TAF3: variants seen among roughly 807,000 people sequenced by gnomAD.
The protein encoded by TAF3 is TATA-box binding protein associated factor 3.
Under a neutral mutation model 80.6 loss-of-function variants are expected in TAF3, and 7 were observed. The observed-to-expected ratio is 0.09, with a 90% CI of 0.05 to 0.16. The LOEUF (loss-of-function observed/expected upper bound fraction) is 0.16, where lower values mean the gene tolerates loss of function less well. Ranked by LOEUF, TAF3 falls within the 10% of genes least tolerant of loss-of-function variation. The pLI, the probability that TAF3 is intolerant of heterozygous loss-of-function variation, is 1.00. For synonymous variants in TAF3, 444 were observed against 446.1 expected, an observed-to-expected ratio of 1.00 and a Z score of 0.06; for missense variants, 921 against 1,140.2, an observed-to-expected ratio of 0.81 and a Z score of 2.77.
intron 2 of TAF3, among the ~76,000 whole-genome samples, chr10:7,828,513 T>C (rs1221499901): frequency 2.0e-5 from 3 of 152,168 alleles, no homozygotes; most frequent in African/African-American, 7.2e-5. Context: ...TGGTACCCAG[T>C]GTGTTTTATC....
At chr10:8,013,700 A>G (rs757078511) in intron 5 of TAF3, 31 bp from the exon 6 acceptor site, 1 of 1,595,972 alleles carries the variant, frequency 6.3e-7, no homozygotes, top group East Asian at 2.2e-5. Context: ...CATTCCCTCC[A>G]TTTTTGCCGC....
chr10:7,840,780 T>C (rs1222691469), intron 2 of TAF3, among the ~76,000 whole-genome samples: 1 of 152,194 alleles, frequency 6.6e-6, no homozygotes, highest in East Asian at 1.9e-4. Flanking sequence ...AGTGTACTCA[T>C]TGCCTTTTAT....
intron 3 of TAF3, among the ~76,000 whole-genome samples, chr10:7,976,760 A>C (rs1460511694): frequency 1.3e-5 from 2 of 152,144 alleles, no homozygotes; most frequent in African/African-American, 4.8e-5. Context: ...AAAATTGAAC[A>C]GTTGAATGGT....
chr10:7,856,251 G>A (rs1016830769), intron 2 of TAF3, among the ~76,000 whole-genome samples: 5 of 152,160 alleles, frequency 3.3e-5, no homozygotes, highest in African/African-American at 1.2e-4. Context: ...CGAGGCGGGC[G>A]GATCACTTGA....
chr10:7,935,504 A>G (rs923462476), intron 2 of TAF3, among the ~76,000 whole-genome samples: 2 of 151,908 alleles, frequency 1.3e-5, no homozygotes, highest in African/African-American at 4.8e-5. Context: ...GAATGGCGTG[A>G]ACCCGGGAGG....
At chr10:7,848,922 G>A (rs1187358505) in intron 2 of TAF3, among the ~76,000 whole-genome samples, 2 of 152,098 alleles carry the variant, frequency 1.3e-5, no homozygotes, top group Non-Finnish European at 2.9e-5. Context: ...GTAAACATAT[G>A]TTTATAGTTT....
intron 2 of TAF3, among the ~76,000 whole-genome samples, chr10:7,956,821 CTG>C (rs1203446994): frequency 6.6e-6 from 1 of 152,090 alleles, no homozygotes; most frequent in Non-Finnish European, 1.5e-5. Flanking sequence ...ATTTTAGTGA[CTG>C]TGTGAAAAAC....
At chr10:7,948,832 A>C (rs560361866) in intron 2 of TAF3, among the ~76,000 whole-genome samples, 1 of 152,276 alleles carries the variant, frequency 6.6e-6, no homozygotes, top group East Asian at 1.9e-4. Flanking sequence ...TTTCTTTCGA[A>C]TCTTGCTTCC....
Position 7,950,470 on chromosome 10 carries a change from G to A in TAF3, c.410-13450G>A, listed in dbSNP as rs145692622. ...TGTCCTAATTTGGATTTAGAGAAAC[G>A]TCTTACCAGATACAGTCATAGTGTT... On this transcript the variant is annotated intron_variant, in intron 2 of 6. Transcript: ENST00000344293. Among the ~76,000 whole-genome samples, 569 of 152,296 alleles carry A rather than the reference G, an allele frequency of 3.7e-3. 4 individuals carry two copies. The highest frequency in any genetic ancestry group is 0.02 in the South Asian group (97 of 4,826).
chr10:7,857,203 G>A (rs971635959), intron 2 of TAF3, among the ~76,000 whole-genome samples: 1 of 152,332 alleles, frequency 6.6e-6, no homozygotes, highest in South Asian at 2.1e-4. Context: ...TGCTGAATTG[G>A]ATACTAGTTT....
chr10:8,010,281 C>T (rs1832041770), intron 5 of TAF3, among the ~76,000 whole-genome samples: 1 of 152,188 alleles, frequency 6.6e-6, no homozygotes, highest in South Asian at 2.1e-4. Context: ...ACAATGTTCA[C>T]ATAGTCAGCC....
chr10:7,964,627 A>G lies in TAF3; in HGVS notation c.1117A>G (p.Ser373Gly). ...ACCCCCTGATGCTGGGAAACTGAAC[A>G]GTGAGAATCAGCCGAAAAAGGCTGT... ...QTPPDAGKLN[S>G]ENQPKKAVVA... The change falls in exon 3 of 7, where the codon AGT becomes GGT. Residue 373 changes from serine to glycine, a missense_variant. Physicochemically the swap from Ser to Gly is moderately conservative, Grantham distance 56. Coordinates refer to ENST00000344293, the MANE Select transcript of TAF3 (RefSeq NM_031923.4). The surrounding 1 kb of genome is among the most constrained non-coding windows in gnomAD (Gnocchi z 4.1). The G allele has an allele frequency of 4.3e-6, 7 of 1,614,176 alleles. No homozygotes were observed. The highest frequency in any genetic ancestry group is 5.1e-6 in the Non-Finnish European group (6 of 1,180,030).
chr10:7,990,105 G>A (rs1393838585), intron 4 of TAF3, among the ~76,000 whole-genome samples: 1 of 152,174 alleles, frequency 6.6e-6, no homozygotes, highest in Non-Finnish European at 1.5e-5. Flanking sequence ...TCTGGCTAAT[G>A]TTTGATATTA....
chr10:7,941,116 A>C (rs1837972075), intron 2 of TAF3, among the ~76,000 whole-genome samples: 1 of 152,208 alleles, frequency 6.6e-6, no homozygotes, highest in South Asian at 2.1e-4. Flanking sequence ...AGAGCCACAA[A>C]TATGAAGCTG....
chr10:7,995,903 G>A (rs879272920), intron 4 of TAF3, among the ~76,000 whole-genome samples: 2 of 152,140 alleles, frequency 1.3e-5, no homozygotes, highest in East Asian at 1.9e-4. Context: ...ACATAAAACC[G>A]ATTCTCATAA....
intron 2 of TAF3, among the ~76,000 whole-genome samples, chr10:7,938,777 G>T (rs779191734): frequency 6.6e-6 from 1 of 152,166 alleles, no homozygotes; most frequent in Non-Finnish European, 1.5e-5. Flanking sequence ...TGAAACTGCC[G>T]AATGTTAAGT....
At chr10:7,959,923 T>C (rs1838173126) in intron 2 of TAF3, among the ~76,000 whole-genome samples, 1 of 152,220 alleles carries the variant, frequency 6.6e-6, no homozygotes, top group Admixed American at 6.5e-5. Context: ...TGTAGTCCCT[T>C]TCTAGGGAAT....
chr10:7,924,188 T>C (rs972444351), intron 2 of TAF3, among the ~76,000 whole-genome samples: 1 of 152,230 alleles, frequency 6.6e-6, no homozygotes, highest in African/African-American at 2.4e-5. Context: ...TGCCAGGGTA[T>C]TTGAGAAAGT....
At chr10:7,963,480 T>C (rs979202419) in intron 2 of TAF3, among the ~76,000 whole-genome samples, 1 of 152,248 alleles carries the variant, frequency 6.6e-6, no homozygotes, top group African/African-American at 2.4e-5. Flanking sequence ...TTAAGAATGA[T>C]GGCACACATG....
Sources: gnomAD v4.1 joint callset for allele counts (sites outside exome capture counted in the v4.1 genomes callset) on GRCh38, gnomAD v4.1.1 for gene constraint, Gnocchi (gnomAD v3.1) non-coding constraint, MANE v1.5 for transcripts, NCBI Gene and HGNC (gene_info 2026-07-23, HGNC 2026-07-21) for gene names.